The following ARHGAP35 variants were observed in gnomAD, a reference collection of about 807,000 sequenced individuals.
ARHGAP35 encodes Rho GTPase activating protein 35.
Under a neutral mutation model 111.1 loss-of-function variants are expected in ARHGAP35, and 15 were observed. That is an observed-to-expected ratio of 0.13 (90% CI 0.09 to 0.21). The LOEUF (loss-of-function observed/expected upper bound fraction) is 0.21. Among genes scored for constraint, ARHGAP35 ranks in the 10% least tolerant of loss-of-function variants. ARHGAP35 has a pLI of 1.00. For missense variants in ARHGAP35, 1,262 were observed against 1,873.0 expected, an observed-to-expected ratio of 0.67 and a Z score of 6.02; for synonymous variants, 643 against 710.3, an observed-to-expected ratio of 0.91 and a Z score of 1.51.
At chr19:46,877,248 CAAA>C (rs35968599) in intron 1 of ARHGAP35, among the ~76,000 whole-genome samples, 284 of 89,832 alleles carry the variant, frequency 3.2e-3, no homozygotes, top group Admixed American at 7.0e-3. Flanking sequence ...AAAACTGTCT[CAAA>C]AAAAAAAAAA....
At chr19:46,944,837 T>C (rs551778274) in intron 3 of ARHGAP35, among the ~76,000 whole-genome samples, 31 of 152,332 alleles carry the variant, frequency 2.0e-4, no homozygotes, top group African/African-American at 5.3e-4. Context: ...CCCGATATTT[T>C]CCCTTCTCAG....
intron 3 of ARHGAP35, among the ~76,000 whole-genome samples, chr19:46,985,605 TG>T (rs2056644622): frequency 6.6e-6 from 1 of 152,314 alleles, no homozygotes; most frequent in Non-Finnish European, 1.5e-5. Context: ...GGAGATTAAA[TG>T]GCATCATCGT....
intron 1 of ARHGAP35, among the ~76,000 whole-genome samples, chr19:46,888,962 T>C (rs1442895080): frequency 6.6e-6 from 1 of 151,612 alleles, no homozygotes; most frequent in Non-Finnish European, 1.5e-5. Context: ...ATCACGCCAC[T>C]GCACTCCAGC....
At chr19:46,877,975 T>C (rs1273500648) in intron 1 of ARHGAP35, among the ~76,000 whole-genome samples, 3 of 152,110 alleles carry the variant, frequency 2.0e-5, no homozygotes, top group African/African-American at 4.8e-5. Flanking sequence ...CCCAAAGTAC[T>C]GGAATTACAG....
intron 1 of ARHGAP35, among the ~76,000 whole-genome samples, chr19:46,884,878 G>A (rs2055985567): frequency 6.6e-6 from 1 of 151,998 alleles, no homozygotes; most frequent in Admixed American, 6.6e-5. Context: ...CACCATGCCT[G>A]GCTACTTTTT....
At chr19:46,938,551 C>T (rs2122227020) in intron 3 of ARHGAP35, among the ~76,000 whole-genome samples, 1 of 151,946 alleles carries the variant, frequency 6.6e-6, no homozygotes, top group Admixed American at 6.6e-5. Context: ...CGGGTTTTTG[C>T]CATGTTGGCC....
chr19:46,940,991 G>A (rs1013742142), intron 3 of ARHGAP35, among the ~76,000 whole-genome samples: 28 of 151,870 alleles, frequency 1.8e-4, no homozygotes, highest in Admixed American at 1.3e-4. Context: ...CCTCCTTCCC[G>A]GACTCAGGAA....
At chr19:46,890,450 G>T (rs191818168) in intron 1 of ARHGAP35, among the ~76,000 whole-genome samples, 8 of 152,374 alleles carry the variant, frequency 5.3e-5, no homozygotes. Context: ...GAAATGACCA[G>T]ATCCTGGCCC....
At chr19:46,929,105 T>C (rs2056256441) in intron 2 of ARHGAP35, among the ~76,000 whole-genome samples, 1 of 152,198 alleles carries the variant, frequency 6.6e-6, no homozygotes, top group Non-Finnish European at 1.5e-5. Flanking sequence ...GTCATGGTAT[T>C]AACTGCCAGC....
intron 1 of ARHGAP35, among the ~76,000 whole-genome samples, chr19:46,864,284 A>C (rs1192582306): frequency 6.6e-6 from 1 of 152,178 alleles, no homozygotes. Context: ...TCAGGGGTAG[A>C]GGTGGTTTTT....
At chr19:46,884,493 CT>C (rs923415995) in intron 1 of ARHGAP35, among the ~76,000 whole-genome samples, 1,989 of 111,966 alleles carry the variant, frequency 0.018, 30 homozygotes, top group African/African-American at 0.05. Context: ...TGATGATATC[CT>C]TTTTTTTTTT....
At chr19:46,903,201 C>T (rs2056090221) in intron 1 of ARHGAP35, among the ~76,000 whole-genome samples, 1 of 152,114 alleles carries the variant, frequency 6.6e-6, no homozygotes, top group East Asian at 1.9e-4. Flanking sequence ...GGTTGAGACA[C>T]CTACTCATCC....
chr19:46,910,850 C>G (rs1046654234), intron 1 of ARHGAP35, among the ~76,000 whole-genome samples: 3 of 152,162 alleles, frequency 2.0e-5, no homozygotes, highest in Non-Finnish European at 4.4e-5. Flanking sequence ...CTCAGCCTCC[C>G]AAAGTGTAGG....
chr19:46,873,962 G>A (rs1439630880), intron 1 of ARHGAP35, among the ~76,000 whole-genome samples: 2 of 152,112 alleles, frequency 1.3e-5, no homozygotes, highest in East Asian at 3.9e-4. Context: ...TAGTGAGGCT[G>A]GTCTCAAACT....
chr19:46,916,214 G>A (rs1443142862), intron 1 of ARHGAP35, among the ~76,000 whole-genome samples: 1 of 152,106 alleles, frequency 6.6e-6, no homozygotes, highest in Non-Finnish European at 1.5e-5. Flanking sequence ...AATTACAGGC[G>A]TGAGCCACCG....
chr19:46,936,939 A>G (rs2056312281), intron 2 of ARHGAP35, among the ~76,000 whole-genome samples: 2 of 149,914 alleles, frequency 1.3e-5, no homozygotes, highest in Admixed American at 6.7e-5. Flanking sequence ...TCCTGGGTTC[A>G]AGCAATTCTC....
At chr19:46,939,035 T>TC (rs2056328732) in intron 3 of ARHGAP35, among the ~76,000 whole-genome samples, 1 of 152,090 alleles carries the variant, frequency 6.6e-6, no homozygotes, top group South Asian at 2.1e-4. Flanking sequence ...GAGAAATAAT[T>TC]CCCCCCAGGC....
At chr19:46,893,616 C>T (rs1599803109) in intron 1 of ARHGAP35, among the ~76,000 whole-genome samples, 1 of 151,750 alleles carries the variant, frequency 6.6e-6, no homozygotes, top group Non-Finnish European at 1.5e-5. Context: ...TCTCTCCCCC[C>T]TTGGTTTTGC....
chr19:46,912,711 G>A (rs1477012590), intron 1 of ARHGAP35, among the ~76,000 whole-genome samples: 2 of 152,072 alleles, frequency 1.3e-5, no homozygotes, highest in Non-Finnish European at 2.9e-5. Flanking sequence ...TATTTGGTAA[G>A]TATTAATACA....
Sources: gnomAD v4.1 joint callset for allele counts (sites outside exome capture counted in the v4.1 genomes callset) on GRCh38, gnomAD v4.1.1 for gene constraint, MANE v1.5 for transcripts, NCBI Gene and HGNC (gene_info 2026-07-23, HGNC 2026-07-21) for gene names.